The following ARHGAP32 variants were observed in gnomAD, a reference collection of about 807,000 sequenced individuals.
The protein encoded by ARHGAP32 is rho GTPase-activating protein 32.
A neutral mutation model predicts 186.5 loss-of-function variants in ARHGAP32; 51 were observed. The observed-to-expected ratio is 0.27, with a 90% confidence interval of 0.22 to 0.35. ARHGAP32 has a LOEUF of 0.35. Among genes scored for constraint, ARHGAP32 ranks in the 10% least tolerant of loss-of-function variants. The pLI, the probability that ARHGAP32 is intolerant of heterozygous loss-of-function variation, is 1.00. For missense variants in ARHGAP32, 2,186 were observed against 2,623.5 expected, an observed-to-expected ratio of 0.83 and a Z score of 3.64; for synonymous variants, 950 against 964.3, an observed-to-expected ratio of 0.99 and a Z score of 0.27.
chr11:129,185,353 C>CA (rs987168486), intron 1 of ARHGAP32, among the ~76,000 whole-genome samples: 34 of 152,098 alleles, frequency 2.2e-4, no homozygotes, highest in South Asian at 2.1e-3. Context: ...ATCACAAGGA[C>CA]AAAAAACCAA....
chr11:129,027,842 A>G (rs570600073), intron 11 of ARHGAP32, among the ~76,000 whole-genome samples: 17 of 152,298 alleles, frequency 1.1e-4, no homozygotes, highest in African/African-American at 3.8e-4. Context: ...GAATACAAAC[A>G]CCAAAATGGT....
At chr11:129,150,905 T>C (rs1321360276) in intron 2 of ARHGAP32, among the ~76,000 whole-genome samples, 1 of 151,018 alleles carries the variant, frequency 6.6e-6, no homozygotes, top group Non-Finnish European at 1.5e-5. Flanking sequence ...AAATGCTCAC[T>C]TAAAAGACAG....
Position 128,978,798 on chromosome 11 carries a change from A to C in ARHGAP32, c.2094T>G (p.Pro698=). ...TCAGAGCCATGGCTTTCATCTCTGAAGGCTCACTCTCATTCCGCTGCAGCT... is the reference window on the plus strand; with the variant it reads ...TCAGAGCCATGGCTTTCATCTCTGACGGCTCACTCTCATTCCGCTGCAGCT... ...KRKLQRNESE[P]SEMKAMALKG... The change falls in exon 19 of 23, where the codon CCT becomes CCG. Residue 698 remains proline (P), a synonymous_variant. Coordinates refer to ENST00000682385, the MANE Select transcript of ARHGAP32 (RefSeq NM_001378024.1). 6.2e-7 allele frequency: 1 copy of C among 1,611,728 alleles called. No homozygotes were observed. The highest frequency in any genetic ancestry group is 8.5e-7 in the Non-Finnish European group (1 of 1,179,200).
At chr11:129,249,719 CAA>C (rs1945153387) in intron 1 of ARHGAP32, among the ~76,000 whole-genome samples, 1 of 151,578 alleles carries the variant, frequency 6.6e-6, no homozygotes, top group African/African-American at 2.4e-5. Flanking sequence ...AATAAGGAAA[CAA>C]ATGGAATAAC....
intron 2 of ARHGAP32, among the ~76,000 whole-genome samples, chr11:129,160,292 G>A (rs1458583524): frequency 6.6e-6 from 1 of 152,160 alleles, no homozygotes; most frequent in Non-Finnish European, 1.5e-5. Context: ...TATTCAAATA[G>A]GAAGAGAGGA....
chr11:129,022,295 A>T (rs1938628559), intron 11 of ARHGAP32, among the ~76,000 whole-genome samples: 1 of 152,150 alleles, frequency 6.6e-6, no homozygotes, highest in Non-Finnish European at 1.5e-5. Flanking sequence ...TTAATGTCAC[A>T]GTCCTCTGCA....
Position 128,977,637 on chromosome 11 carries a change from C to T in ARHGAP32, c.2123-1003G>A, listed in dbSNP as rs146952491. 1.3e-3 allele frequency among the ~76,000 whole-genome samples: 192 copies of T among 152,196 alleles called. 2 individuals are homozygous for T. The highest frequency in any genetic ancestry group is 4.4e-3 in the African/African-American group (182 of 41,524). On this transcript the variant is annotated intron_variant, in intron 19 of 22. Transcript: ENST00000682385. ...TTCCTAACCACTAGTCCCTCCTCTA[C>T]AAGAGTTGACAATTCCTACCACAAC... is the stretch of plus-strand genomic sequence containing the variant.
At chr11:129,158,599 C>A (rs1943464532) in intron 2 of ARHGAP32, among the ~76,000 whole-genome samples, 1 of 152,078 alleles carries the variant, frequency 6.6e-6, no homozygotes, top group African/African-American at 2.4e-5. Context: ...TAGACTCCCA[C>A]ACAATAACAG....
intron 2 of ARHGAP32, among the ~76,000 whole-genome samples, chr11:129,148,494 C>A (rs1033867792): frequency 6.6e-6 from 1 of 152,172 alleles, no homozygotes; most frequent in East Asian, 1.9e-4. Flanking sequence ...GGGAAGCCAT[C>A]CCCAACTATA....
chr11:129,066,325 G>A (rs113267086), intron 7 of ARHGAP32, among the ~76,000 whole-genome samples: 2,964 of 151,888 alleles, frequency 0.02, 45 homozygotes, highest in African/African-American at 0.041. Flanking sequence ...AATCTTTTAC[G>A]TTTTTACTAT....
intron 10 of ARHGAP32, among the ~76,000 whole-genome samples, chr11:129,042,286 G>A (rs1258145871): frequency 6.6e-6 from 1 of 152,084 alleles, no homozygotes; most frequent in African/African-American, 2.4e-5. Flanking sequence ...GAGTAGCTGC[G>A]ACTCTGGGCA....
intron 12 of ARHGAP32, among the ~76,000 whole-genome samples, chr11:128,994,452 G>T (rs1565363828): frequency 1.3e-5 from 2 of 152,088 alleles, no homozygotes; most frequent in Admixed American, 6.6e-5. Context: ...ACCCTGCTGG[G>T]CCTCTCTTTC....
At chr11:129,103,982 A>G (rs1321848124) in intron 5 of ARHGAP32, among the ~76,000 whole-genome samples, 1 of 152,132 alleles carries the variant, frequency 6.6e-6, no homozygotes, top group Non-Finnish European at 1.5e-5. Flanking sequence ...TATCTAAGTA[A>G]CTATAAAACA....
At chr11:129,091,563 G>T (rs1450936704) in intron 6 of ARHGAP32, among the ~76,000 whole-genome samples, 1 of 152,010 alleles carries the variant, frequency 6.6e-6, no homozygotes, top group Non-Finnish European at 1.5e-5. Flanking sequence ...AAGAATTTTG[G>T]TTAAATAAAA....
chr11:129,086,139 A>T (rs769442982), intron 6 of ARHGAP32, among the ~76,000 whole-genome samples: 4 of 152,230 alleles, frequency 2.6e-5, no homozygotes, highest in Non-Finnish European at 5.9e-5. Context: ...TATAAAAGTC[A>T]ACTGACATTT....
At chr11:129,011,588 T>C (rs145673291) in intron 11 of ARHGAP32, among the ~76,000 whole-genome samples, 19 of 152,190 alleles carry the variant, frequency 1.2e-4, no homozygotes, top group East Asian at 9.6e-4. Flanking sequence ...GCTGGGAGCA[T>C]AGGCCAGAAT....
intron 2 of ARHGAP32, among the ~76,000 whole-genome samples, chr11:129,153,606 G>C (rs965716065): frequency 6.6e-6 from 1 of 151,918 alleles, no homozygotes; most frequent in African/African-American, 2.4e-5. Context: ...AACTGATCTT[G>C]GATAAAGCAA....
intron 1 of ARHGAP32, among the ~76,000 whole-genome samples, chr11:129,267,896 G>A (rs1945424439): frequency 6.6e-6 from 1 of 152,066 alleles, no homozygotes; most frequent in Non-Finnish European, 1.5e-5. Flanking sequence ...GGAGGTACCA[G>A]GCTCTTTTCC....
chr11:129,169,517 G>C (rs966782254), intron 1 of ARHGAP32, among the ~76,000 whole-genome samples: 19 of 151,408 alleles, frequency 1.3e-4, no homozygotes, highest in African/African-American at 4.6e-4. Flanking sequence ...TATAGTCCCA[G>C]CTACTCAGGA....
Sources: gnomAD v4.1 joint callset for allele counts (sites outside exome capture counted in the v4.1 genomes callset) on GRCh38, gnomAD v4.1.1 for gene constraint, MANE v1.5 for transcripts, NCBI Gene and HGNC (gene_info 2026-07-23, HGNC 2026-07-21) for gene names.